Variants in CEP135 observed in about 807,000 individuals in gnomAD.
The protein encoded by CEP135 is centrosomal protein 135.
CEP135 carries 142 observed loss-of-function variants against 157.3 expected under a neutral mutation model. The observed-to-expected ratio is 0.90, with a 90% confidence interval of 0.79 to 1.04. The LOEUF (loss-of-function observed/expected upper bound fraction) is 1.04. CEP135 is among the 50% of genes least tolerant of loss of function. The pLI is 0.00. For synonymous variants in CEP135, 396 were observed against 439.8 expected (o/e 0.90, Z 1.25); for missense variants, 1,317 against 1,309.2 (o/e 1.01, Z -0.09).
chr4:56,023,746 A>G (rs1731052334), intron 24 of CEP135, among the ~76,000 whole-genome samples: 1 of 143,138 alleles, frequency 7.0e-6, no homozygotes, highest in Non-Finnish European at 1.5e-5. Flanking sequence ...TATATAGTAT[A>G]TCATATATAG....
At chr4:55,985,022 T>C (rs1729530225) in intron 13 of CEP135, among the ~76,000 whole-genome samples, 1 of 151,604 alleles carries the variant, frequency 6.6e-6, no homozygotes, top group Admixed American at 6.5e-5. Context: ...TCTTTATAAA[T>C]GAATCCTTAC....
At chr4:55,954,186 A>C (rs749641075) in intron 3 of CEP135, 30 bp from the exon 4 acceptor site, 1 of 1,539,428 alleles carries the variant, frequency 6.5e-7, no homozygotes, top group South Asian at 1.3e-5. Flanking sequence ...TTGATCTTTA[A>C]AACGGTCTTT....
chr4:55,985,658 A>G (rs1321727690), intron 14 of CEP135, among the ~76,000 whole-genome samples: 1 of 152,042 alleles, frequency 6.6e-6, no homozygotes. Context: ...GGGTTTCACC[A>G]TGTTGGCCAG....
intron 25 of CEP135, among the ~76,000 whole-genome samples, chr4:56,028,551 T>C (rs1731227608): frequency 6.6e-6 from 1 of 152,052 alleles, no homozygotes; most frequent in Admixed American, 6.6e-5. Flanking sequence ...TTTCTAAATA[T>C]TGTCACCAAA....
At position 56,017,709 on chromosome 4, in the gene CEP135, G is replaced by T. The variant is rs752406335; in HGVS notation, c.2864G>T (p.Arg955Leu). ...TCATCAATGGCAAAAGCCATGTCTC[G>T]ATTAGAAGAAGAGCTGAGACATCAA... ...QISSMAKAMS[R>L]LEEELRHQED... The change falls in exon 22 of 26, where the codon CGA becomes CTA. Residue 955 changes from arginine (R) to leucine (L), a missense_variant. Physicochemically the swap from Arg to Leu is moderately radical, Grantham distance 102. Transcript: ENST00000257287. 3 of 1,613,690 alleles carry T rather than the reference G, an allele frequency of 1.9e-6. No homozygotes were observed. The highest frequency in any genetic ancestry group is 2.5e-6 in the Non-Finnish European group (3 of 1,179,936).
chr4:55,991,402 A>C (rs1038232126), intron 14 of CEP135, among the ~76,000 whole-genome samples: 6 of 149,092 alleles, frequency 4.0e-5, no homozygotes, highest in Non-Finnish European at 7.4e-5. Context: ...ATTGTATTGG[A>C]ATTCCATTGA....
intron 23 of CEP135, among the ~76,000 whole-genome samples, chr4:56,020,180 A>G (rs1395808942): frequency 6.6e-6 from 1 of 152,168 alleles, no homozygotes; most frequent in African/African-American, 2.4e-5. Flanking sequence ...GCTGTAGATT[A>G]GGAAAAAGGA....
intron 7 of CEP135, chr4:55,965,130 TAAA>T (rs1290917439): frequency 6.6e-6 from 1 of 152,368 alleles, no homozygotes; most frequent in African/African-American, 2.4e-5. Flanking sequence ...TTTAAAAAAA[TAAA>T]AAGAGGTGAA....
intron 17 of CEP135, among the ~76,000 whole-genome samples, chr4:56,003,045 T>C (rs1373728115): frequency 6.6e-6 from 1 of 152,184 alleles, no homozygotes; most frequent in Non-Finnish European, 1.5e-5. Context: ...TTCCTTGTAT[T>C]TTCTGTGGTC....
At chr4:56,023,748 CAT>C (rs1560427171) in intron 24 of CEP135, among the ~76,000 whole-genome samples, 2 of 137,438 alleles carry the variant, frequency 1.5e-5, no homozygotes, top group African/African-American at 2.8e-5. Flanking sequence ...TATAGTATAT[CAT>C]ATATAGTATA....
Position 55,952,270 on chromosome 4 carries a change from C to T in CEP135, c.113+27C>T, listed in dbSNP as rs753631402. On this transcript the variant is annotated intron_variant, in intron 2 of 25. Transcript: ENST00000257287. The stretch of plus-strand genomic sequence containing the variant: ...TAAAGACAAAAATACAGTTTTCAAC[C>T]TTTATGATCCCTAACCACTTACCTC... 74 of 1,299,704 alleles carry T rather than the reference C, an allele frequency of 5.7e-5. 1 individual carries two copies. In the South Asian group the frequency reaches 8.5e-4, roughly 15 times the overall value. 80.5% of individuals were successfully genotyped at this position (1,299,704 alleles called of 1,614,324 possible). A position where few individuals can be genotyped will look rare whatever the true frequency, so the allele number is the denominator to read the frequency against.
chr4:55,969,908 T>C (rs916931484), intron 9 of CEP135, among the ~76,000 whole-genome samples: 1 of 152,130 alleles, frequency 6.6e-6, no homozygotes, highest in African/African-American at 2.4e-5. Context: ...GGGCTTGCCT[T>C]GTCACCTAGA....
rs773804923 is a variant in CEP135, at chr4:55,969,082, T to A, written c.1064T>A (p.Leu355His). ...TCCTAGAAAGAGATTAAAAGAAAGC[T>A]CTCTGAAATGCAGGATCTTGAAGAA... ...GEAKKEIKRKLSEMQDLEETM... is the reference protein window; with the variant it reads ...GEAKKEIKRKHSEMQDLEETM... Residue 355 changes from leucine to histidine, a missense_variant, in exon 9 of 26, where the codon CTC becomes CAC. Leu to His is a moderately conservative substitution (Grantham distance 99). Transcript: ENST00000257287. 1.9e-6 allele frequency: 3 copies of A among 1,612,852 alleles called. No individual in the cohort carries two copies. The highest frequency in any genetic ancestry group is 1.7e-6 in the Non-Finnish European group (2 of 1,179,430).
intron 17 of CEP135, among the ~76,000 whole-genome samples, chr4:56,004,426 G>T (rs1730282034): frequency 6.6e-6 from 1 of 152,166 alleles, no homozygotes; most frequent in African/African-American, 2.4e-5. Context: ...GGGCATATTT[G>T]TCTAGTGTAT....
intron 4 of CEP135, among the ~76,000 whole-genome samples, chr4:55,954,909 C>A (rs565177451): frequency 6.6e-6 from 1 of 152,168 alleles, no homozygotes; most frequent in South Asian, 2.1e-4. Flanking sequence ...GATGAAACCC[C>A]ACCTCTACCA....
At chr4:56,025,907 C>CA (rs57866677) in intron 25 of CEP135, among the ~76,000 whole-genome samples, 21,786 of 137,052 alleles carry the variant, frequency 0.16, 1,680 homozygotes, top group African/African-American at 0.18. Context: ...GCATGAAAAT[C>CA]AAAAAAAAAA....
intron 15 of CEP135, among the ~76,000 whole-genome samples, chr4:55,994,094 C>G (rs760137460): frequency 1.3e-5 from 2 of 152,172 alleles, no homozygotes; most frequent in Non-Finnish European, 2.9e-5. Context: ...GAATCCAAGT[C>G]TAAAGCGAAA....
At chr4:55,969,444 A>G (rs1972961) in intron 9 of CEP135, among the ~76,000 whole-genome samples, 4,332 of 151,520 alleles carry the variant, frequency 0.029, 80 homozygotes, top group Admixed American at 0.061. Context: ...AAAAAAAAAA[A>G]AAAAGAAAAG....
intron 20 of CEP135, 31 bp from the exon 21 acceptor site, chr4:56,011,768 AT>A (rs1730591401): frequency 2.6e-6 from 4 of 1,529,342 alleles, no homozygotes; most frequent in African/African-American, 1.4e-5. Context: ...ACAATTACTA[AT>A]TTAGAAACAA....
Sources: gnomAD v4.1 joint callset for allele counts (sites outside exome capture counted in the v4.1 genomes callset) on GRCh38, gnomAD v4.1.1 for gene constraint, MANE v1.5 for transcripts, NCBI Gene and HGNC (gene_info 2026-07-23, HGNC 2026-07-21) for gene names.